EHD3: variants seen among roughly 807,000 people sequenced by gnomAD.
EHD3 encodes EH domain containing 3.
EHD3 carries 17 observed loss-of-function variants against 43.0 expected under a neutral mutation model. The observed-to-expected ratio is 0.40, with a 90% CI of 0.27 to 0.59. The LOEUF (loss-of-function observed/expected upper bound fraction) is 0.59. Ranked by LOEUF, EHD3 falls within the 20% of genes least tolerant of loss-of-function variation. The pLI is 0.49. For synonymous variants in EHD3, 313 were observed against 289.5 expected (o/e 1.08, Z -0.82); for missense variants, 594 against 705.6 (o/e 0.84, Z 1.79).
intron 1 of EHD3, among the ~76,000 whole-genome samples, chr2:31,242,775 A>G (rs541932267): frequency 1.8e-4 from 27 of 152,218 alleles, no homozygotes; most frequent in Non-Finnish European, 3.2e-4. Context: ...CCTGGCCAAC[A>G]TGGTGAAACC....
Position 31,266,800 on chromosome 2 carries a change from GCA to G in EHD3, c.*105_*106del. The G allele has an allele frequency of 8.1e-7, 1 of 1,232,088 alleles. No individual in the cohort carries two copies. Among genetic ancestry groups the G allele is most frequent in the Non-Finnish European group, 1.1e-6 (1 of 899,468 alleles). 76.3% of individuals were successfully genotyped at this position (1,232,088 alleles called of 1,614,324 possible). On this transcript the variant is annotated 3_prime_UTR_variant, in exon 6 of 6. Transcript: ENST00000322054. The surrounding 1 kb of genome is among the most constrained non-coding windows in gnomAD (Gnocchi z 5.1). ...CACACACACACACACACACAAACAT[GCA>G]CACACACATATGCATATCTTGACAT...
At position 31,266,788 on chromosome 2, in the gene EHD3, A is replaced by ACG; in HGVS notation, c.*85_*86insGC. 1.9e-5 allele frequency: 27 copies of ACG among 1,400,156 alleles called. No individual in the cohort carries two copies. The highest frequency in any genetic ancestry group is 2.5e-5 in the Non-Finnish European group (26 of 1,037,178). The allele number at this position is 1,400,156 out of a possible 1,614,324, so 86.7% of individuals were successfully genotyped here. A position where few individuals can be genotyped will look rare whatever the true frequency, so the allele number is the denominator to read the frequency against. On this transcript the variant is annotated 3_prime_UTR_variant, in exon 6 of 6. Coordinates refer to ENST00000322054, the MANE Select transcript of EHD3 (RefSeq NM_014600.3). The surrounding 1 kb of genome is among the most constrained non-coding windows in gnomAD (Gnocchi z 5.1). ...CACACACACACACACACACACACAC[A>ACG]CACACAAACATGCACACACACATAT...
Position 31,234,444 on chromosome 2 carries a change from A to C in EHD3, c.-178A>C. ...AGCGGCTGGGCTTGGTCCCAGGAGC[A>C]GGGAGAGTGCGCTCCCGGCCCTCCT... On this transcript the variant is annotated 5_prime_UTR_variant, in exon 1 of 6. Transcript: ENST00000322054. 1.6e-6 allele frequency: 1 copy of C among 639,670 alleles called. No individual in the cohort carries two copies. The highest frequency in any genetic ancestry group is 2.7e-6 in the Non-Finnish European group (1 of 374,534). 39.6% of individuals were successfully genotyped at this position (639,670 alleles called of 1,614,324 possible).
chr2:31,255,660 G>T (rs909115479), intron 3 of EHD3, among the ~76,000 whole-genome samples: 4 of 152,180 alleles, frequency 2.6e-5, no homozygotes, highest in Non-Finnish European at 4.4e-5. Flanking sequence ...CAGCCTCGGG[G>T]TTAGCCAGGA....
At position 31,236,509 on chromosome 2, in the gene EHD3, C is replaced by T. The variant is rs555110972; in HGVS notation, c.227+1661C>T. Among the ~76,000 whole-genome samples, 4 of 152,338 alleles carry T rather than the reference C, an allele frequency of 2.6e-5. No homozygotes were observed. In the South Asian group the frequency reaches 8.3e-4, roughly 32 times the overall value. On this transcript the variant is annotated intron_variant, in intron 1 of 5. Transcript: ENST00000322054. ...TGTTTTATTAAGCACCCATTGCTGCCAAAGGCACTTCAGAGCTGCCTGGGT... is the reference window on the plus strand; with the variant it reads ...TGTTTTATTAAGCACCCATTGCTGCTAAAGGCACTTCAGAGCTGCCTGGGT...
intron 3 of EHD3, among the ~76,000 whole-genome samples, chr2:31,259,678 T>C (rs1428240601): frequency 1.3e-5 from 2 of 152,218 alleles, no homozygotes; most frequent in Non-Finnish European, 2.9e-5. Context: ...CAAGATGTTT[T>C]TATAACAAGA....
intron 3 of EHD3, among the ~76,000 whole-genome samples, chr2:31,255,387 G>C (rs1037310387): frequency 6.6e-6 from 1 of 152,202 alleles, no homozygotes; most frequent in Admixed American, 6.5e-5. Context: ...GAGGCAGTCT[G>C]TGCTGTCAGA....
chr2:31,249,214 G>A (rs1413880797), intron 2 of EHD3, among the ~76,000 whole-genome samples, 157 bp from the exon 3 acceptor site: 1 of 152,198 alleles, frequency 6.6e-6, no homozygotes, highest in Non-Finnish European at 1.5e-5. Flanking sequence ...CGGGTCAGCT[G>A]TCAGCCACAC....
intron 1 of EHD3, among the ~76,000 whole-genome samples, chr2:31,240,261 TC>T (rs1572461550): frequency 1.3e-5 from 2 of 152,186 alleles, no homozygotes; most frequent in South Asian, 2.1e-4. Flanking sequence ...TTCTTGTGCA[TC>T]CCCGTCTCTG....
At chr2:31,256,810 TG>T (rs1369444513) in intron 3 of EHD3, among the ~76,000 whole-genome samples, 1 of 152,216 alleles carries the variant, frequency 6.6e-6, no homozygotes, top group Non-Finnish European at 1.5e-5. Flanking sequence ...CCCAGCCTGG[TG>T]GAGGCGTGGC....
chr2:31,261,798 G>C, intron 5 of EHD3, 85 bp downstream of exon 5: 7 of 1,523,482 alleles, frequency 4.6e-6, no homozygotes, highest in Non-Finnish European at 5.3e-6. Context: ...GCCACTCTTG[G>C]AGCCCCCCAG....
Position 31,234,702 on chromosome 2 carries a change from ACT to A in EHD3, c.84_85del (p.Tyr29GlnfsTer62). The A allele has an allele frequency of 6.2e-7, 1 of 1,614,056 alleles. No individual in the cohort carries two copies. Among genetic ancestry groups the A allele is most frequent in the South Asian group, 1.1e-5 (1 of 91,072 alleles). The stretch of plus-strand genomic sequence containing the variant: ...AGACGGTGAGTGAGGGGCTCAAGAA[ACT>A]CTACAAGAGCAAGCTGCTGCCCTTG... ...FQTVSEGLKK[L>X]YKSKLLPLEE... On this transcript the variant is annotated frameshift_variant, in exon 1 of 6. Transcript: ENST00000322054. LOFTEE classifies it high-confidence loss of function.
chr2:31,266,617 C>T lies in EHD3; in HGVS notation c.1521C>T (p.Leu507=). 1 of 1,614,084 alleles carries T rather than the reference C, an allele frequency of 6.2e-7. No homozygotes were observed. The highest frequency in any genetic ancestry group is 8.5e-7 in the Non-Finnish European group (1 of 1,180,000). Residue 507 remains leucine, a synonymous_variant, in exon 6 of 6, where the codon CTC becomes CTT. Transcript: ENST00000322054. The surrounding 1 kb of genome is among the most constrained non-coding windows in gnomAD (Gnocchi z 5.1). ...DDDEFALANH[L]IKVKLEGHEL... is the part of the protein sequence containing the mutation. ...ACGAGTTTGCACTGGCCAACCACCTCATCAAAGTCAAGCTGGAGGGGCACG... is the reference window on the plus strand; with the variant it reads ...ACGAGTTTGCACTGGCCAACCACCTTATCAAAGTCAAGCTGGAGGGGCACG...
chr2:31,237,500 G>C (rs1370966105), intron 1 of EHD3, among the ~76,000 whole-genome samples: 1 of 152,116 alleles, frequency 6.6e-6, no homozygotes, highest in Non-Finnish European at 1.5e-5. Flanking sequence ...CGCCTCCTGT[G>C]TTCAAGCAGT....
chr2:31,266,741 G>T lies in EHD3; in HGVS notation c.*37G>T, dbSNP rs367596478. ...GACATTCAGACGGGCAGTGTTAGAG[G>T]AGGAGATGGGAGCGGTGACTACACA... is the stretch of plus-strand genomic sequence containing the variant. On this transcript the variant is annotated 3_prime_UTR_variant, in exon 6 of 6. Transcript: ENST00000322054. The surrounding 1 kb of genome is among the most constrained non-coding windows in gnomAD (Gnocchi z 5.1). 1.3e-6 allele frequency: 2 copies of T among 1,550,318 alleles called. No homozygotes were observed. Among genetic ancestry groups the T allele is most frequent in the Non-Finnish European group, 1.7e-6 (2 of 1,149,974 alleles).
intron 5 of EHD3, 102 bp downstream of exon 5, chr2:31,261,815 C>A: frequency 2.8e-6 from 4 of 1,409,302 alleles, no homozygotes; most frequent in Non-Finnish European, 3.8e-6. Flanking sequence ...CCAGGGAGAA[C>A]CCCGCCCAGA....
intron 1 of EHD3, among the ~76,000 whole-genome samples, chr2:31,238,886 C>T (rs894522778): frequency 1.3e-5 from 2 of 152,180 alleles, no homozygotes; most frequent in Admixed American, 1.3e-4. Flanking sequence ...GCTGTGGGGC[C>T]TGGGGCTGCA....
intron 1 of EHD3, among the ~76,000 whole-genome samples, chr2:31,242,836 T>A (rs920476477): frequency 2.6e-5 from 4 of 152,136 alleles, no homozygotes; most frequent in Admixed American, 6.5e-5. Context: ...GGCGGCTGCC[T>A]GTAATCCCAG....
chr2:31,237,066 G>A (rs911885367), intron 1 of EHD3, among the ~76,000 whole-genome samples: 5 of 152,166 alleles, frequency 3.3e-5, no homozygotes, highest in East Asian at 1.9e-4. Flanking sequence ...TAGCTCATGC[G>A]TCAAAAGCTG....
Sources: allele counts gnomAD v4.1 joint callset (sites outside exome capture counted in the v4.1 genomes callset), GRCh38; gene constraint gnomAD v4.1.1; non-coding constraint Gnocchi (gnomAD v3.1); transcripts MANE v1.5; gene names NCBI Gene and HGNC (gene_info 2026-07-23, HGNC 2026-07-21).